ZYG11B: variants seen among roughly 807,000 people sequenced by gnomAD.
The protein encoded by ZYG11B is protein zyg-11 homolog B.
Under a neutral mutation model 82.4 loss-of-function variants are expected in ZYG11B, and 36 were observed. That is an observed-to-expected ratio of 0.44 (90% CI 0.33 to 0.58). ZYG11B has a LOEUF of 0.58. Ranked by LOEUF, ZYG11B falls within the 20% of genes least tolerant of loss-of-function variation. The pLI is 0.02. For synonymous variants in ZYG11B, 303 were observed against 312.8 expected (o/e 0.97, Z 0.33); for missense variants, 552 against 895.6 (o/e 0.62, Z 4.90).
At chr1:52,762,121 C>T (rs1459355212) in intron 2 of ZYG11B, among the ~76,000 whole-genome samples, 2 of 131,334 alleles carry the variant, frequency 1.5e-5, no homozygotes, top group African/African-American at 5.1e-5. Flanking sequence ...GGTTGTCTTT[C>T]CACTCTGTTG....
chr1:52,749,217 A>G (rs777979467), intron 1 of ZYG11B, among the ~76,000 whole-genome samples: 1 of 152,088 alleles, frequency 6.6e-6, no homozygotes, highest in Non-Finnish European at 1.5e-5. Flanking sequence ...AAATAAACAA[A>G]ATACCTAAAT....
chr1:52,730,387 C>T (rs934166847), intron 1 of ZYG11B, among the ~76,000 whole-genome samples: 8 of 152,036 alleles, frequency 5.3e-5, no homozygotes, highest in Non-Finnish European at 1.0e-4. Flanking sequence ...AGTGCAGCGG[C>T]GTGATTACGG....
At chr1:52,765,185 C>G (rs775819170) in intron 2 of ZYG11B, among the ~76,000 whole-genome samples, 1 of 151,634 alleles carries the variant, frequency 6.6e-6, no homozygotes, top group Non-Finnish European at 1.5e-5. Flanking sequence ...CCACATCCAG[C>G]CTATCTTTTT....
rs112238586 is a variant in ZYG11B at position 52,776,045 on chromosome 1, G to A, written c.952-3808G>A. Among the ~76,000 whole-genome samples, 829 of 148,994 alleles carry A rather than the reference G, an allele frequency of 5.6e-3. 3 individuals are homozygous for A. Among genetic ancestry groups the A allele is most frequent in the African/African-American group, 0.019 (778 of 40,684 alleles). On this transcript the variant is annotated intron_variant, in intron 3 of 13. Coordinates refer to ENST00000294353, the MANE Select transcript of ZYG11B (RefSeq NM_024646.3). ...AGCCTGACGAACATGGAGAAACCCC[G>A]CCTCTACTAAAAATCCCAAAAAAAT...
At chr1:52,799,820 G>A (rs535208342) in intron 8 of ZYG11B, among the ~76,000 whole-genome samples, 1 of 151,984 alleles carries the variant, frequency 6.6e-6, no homozygotes, top group Non-Finnish European at 1.5e-5. Context: ...AGGAAAAAAA[G>A]TAATGTTATA....
chr1:52,743,568 G>T (rs918645459), intron 1 of ZYG11B, among the ~76,000 whole-genome samples: 1 of 151,832 alleles, frequency 6.6e-6, no homozygotes, highest in Non-Finnish European at 1.5e-5. Context: ...AAAAAAATTA[G>T]CTGGGTGCTT....
intron 1 of ZYG11B, 110 bp from the exon 2 acceptor site, chr1:52,756,348 C>T (rs1644576431): frequency 1.0e-6 from 1 of 994,640 alleles, no homozygotes. Context: ...ATATGATAGA[C>T]ACTAAAGAAA....
chr1:52,803,113 TATATACACACATATATATATAC>T (rs1558140074), intron 10 of ZYG11B, among the ~76,000 whole-genome samples: 1,944 of 84,030 alleles, frequency 0.023, 238 homozygotes, highest in Admixed American at 0.1. Flanking sequence ...TATATATATA[TATATACACACATATATATATAC>T]ACACATATAT....
intron 10 of ZYG11B, among the ~76,000 whole-genome samples, chr1:52,803,153 TACACATATATATATACACAC>T (rs1645099780): frequency 1.6e-4 from 6 of 38,222 alleles, no homozygotes; most frequent in African/African-American, 7.8e-4. Context: ...TATATATATA[TACACATATATATATACACAC>T]ATATATATAT....
intron 2 of ZYG11B, among the ~76,000 whole-genome samples, chr1:52,767,408 G>A (rs944430249): frequency 1.2e-4 from 19 of 152,102 alleles, no homozygotes; most frequent in African/African-American, 4.6e-4. Context: ...GGGATCAAGC[G>A]ATTCCCCTGC....
chr1:52,783,895 C>CGT (rs764675732), intron 4 of ZYG11B, among the ~76,000 whole-genome samples: 6 of 115,264 alleles, frequency 5.2e-5, no homozygotes, highest in South Asian at 2.7e-4. Flanking sequence ...TGTACATACA[C>CGT]GTGTGTGTAT....
At chr1:52,758,804 T>C (rs1188639508) in intron 2 of ZYG11B, among the ~76,000 whole-genome samples, 4 of 152,184 alleles carry the variant, frequency 2.6e-5, no homozygotes, top group African/African-American at 9.6e-5. Flanking sequence ...TCATAGGAAC[T>C]AGGGTAAATT....
intron 3 of ZYG11B, among the ~76,000 whole-genome samples, chr1:52,779,477 A>G (rs1014175380): frequency 1.3e-5 from 2 of 152,074 alleles, no homozygotes; most frequent in East Asian, 1.9e-4. Context: ...CCAAGATACC[A>G]TGTATACAAA....
chr1:52,794,516 C>T (rs779153040), intron 6 of ZYG11B, among the ~76,000 whole-genome samples: 7 of 152,178 alleles, frequency 4.6e-5, no homozygotes, highest in Non-Finnish European at 8.8e-5. Flanking sequence ...TGAGTGCGTG[C>T]GTGGCATAAA....
intron 12 of ZYG11B, among the ~76,000 whole-genome samples, chr1:52,815,294 G>A (rs1327382884): frequency 6.6e-6 from 1 of 152,152 alleles, no homozygotes; most frequent in Non-Finnish European, 1.5e-5. Context: ...TTGAGTTCAG[G>A]AGTTGCAGAC....
chr1:52,786,568 G>A (rs1644914579), intron 5 of ZYG11B, among the ~76,000 whole-genome samples: 1 of 152,062 alleles, frequency 6.6e-6, no homozygotes, highest in Admixed American at 6.6e-5. Context: ...GGGCAACATA[G>A]TGAGGCCCTG....
At chr1:52,767,353 G>A (rs972501166) in intron 2 of ZYG11B, among the ~76,000 whole-genome samples, 2 of 150,524 alleles carry the variant, frequency 1.3e-5, no homozygotes, top group Admixed American at 6.6e-5. Context: ...TGCCCAAGCC[G>A]GAGTGCAATG....
chr1:52,805,768 G>A (rs975031688), intron 10 of ZYG11B, among the ~76,000 whole-genome samples: 9 of 152,122 alleles, frequency 5.9e-5, no homozygotes, highest in African/African-American at 2.2e-4. Flanking sequence ...GGCAGAGGCT[G>A]CAGTGAACCA....
At chr1:52,816,777 ATTCTTT>A in intron 13 of ZYG11B, 148 bp downstream of exon 13, 2 of 364,064 alleles carry the variant, frequency 5.5e-6, no homozygotes, top group Admixed American at 5.2e-5. Context: ...AACTTAAGGT[ATTCTTT>A]TTTTTTTTTT....
Sources: allele counts gnomAD v4.1 joint callset (sites outside exome capture counted in the v4.1 genomes callset), GRCh38; gene constraint gnomAD v4.1.1; transcripts MANE v1.5; gene names NCBI Gene and HGNC (gene_info 2026-07-23, HGNC 2026-07-21).